Variants in FKBP15 observed in about 807,000 individuals in gnomAD.
The protein encoded by FKBP15 is FK506-binding protein 15.
FKBP15 carries 106 observed loss-of-function variants against 158.1 expected under a neutral mutation model. That is an observed-to-expected ratio of 0.67 (90% confidence interval 0.57 to 0.79). FKBP15 has a LOEUF of 0.79. Among genes scored for constraint, FKBP15 ranks in the 30% least tolerant of loss-of-function variants. FKBP15 has a pLI of 0.00. For missense variants in FKBP15, 1,287 were observed against 1,479.1 expected (o/e 0.87, Z 2.13); for synonymous variants, 547 against 548.6 (o/e 1.00, Z 0.04).
At chr9:113,206,685 G>A in intron 3 of FKBP15, 107 bp from the exon 4 acceptor site, 4 of 555,064 alleles carry the variant, frequency 7.2e-6, no homozygotes, top group South Asian at 2.1e-5. Flanking sequence ...TCAGCCTCTA[G>A]GCAGGGACAC....
At position 113,161,598 on chromosome 9, in the gene FKBP15, C is replaced by G; in HGVS notation, c.*4480G>C. The G allele has an allele frequency of 6.2e-7, 1 of 1,614,024 alleles. No individual in the cohort carries two copies. The highest frequency in any genetic ancestry group is 2.2e-5 in the East Asian group (1 of 44,880). On this transcript the variant is annotated 3_prime_UTR_variant, in exon 28 of 28. Transcript: ENST00000238256. ...CAAAGCCAAGCTGCTCAACCAGGTA[C>G]TGGTGAACCTGCCAACCTCCATCAG...
At chr9:113,215,812 G>C (rs1010876314) in intron 1 of FKBP15, among the ~76,000 whole-genome samples, 5 of 150,862 alleles carry the variant, frequency 3.3e-5, no homozygotes, top group African/African-American at 1.2e-4. Context: ...ACCATGCCCT[G>C]CTAATTTCTG....
At chr9:113,197,247 C>T (rs532274892) in intron 8 of FKBP15, among the ~76,000 whole-genome samples, 169 bp from the exon 9 acceptor site, 5 of 152,268 alleles carry the variant, frequency 3.3e-5, no homozygotes, top group African/African-American at 1.2e-4. Flanking sequence ...CTAGAATACA[C>T]CCTCTAAACC....
intron 19 of FKBP15, 29 bp downstream of exon 19, chr9:113,182,737 C>G: frequency 6.3e-7 from 1 of 1,583,816 alleles, no homozygotes; most frequent in Non-Finnish European, 8.7e-7. Flanking sequence ...CCATCCTGAC[C>G]TGGGCTTTTC....
In FKBP15 at chr9:113,174,494, T is replaced by C; in HGVS notation, c.2313A>G (p.Glu771=). The C allele has an allele frequency of 6.2e-7, 1 of 1,614,014 alleles. No homozygotes were observed. Among genetic ancestry groups the C allele is most frequent in the South Asian group, 1.1e-5 (1 of 91,086 alleles). The part of the protein sequence containing the change: ...IDEIRKSYQE[E]LDKLRQLLKK... ...TCAAGAGCTGTCGAAGTTTGTCCAATTCCTCCTGGTATGACTTGCGAATTT... is the reference window on the plus strand; with the variant it reads ...TCAAGAGCTGTCGAAGTTTGTCCAACTCCTCCTGGTATGACTTGCGAATTT... Residue 771 remains glutamate (E), a synonymous_variant, in exon 22 of 28, where the codon GAA becomes GAG. Coordinates refer to ENST00000238256, the MANE Select transcript of FKBP15 (RefSeq NM_015258.2).
Position 113,161,707 on chromosome 9 carries a change from A to C in FKBP15, c.*4371T>G. On this transcript the variant is annotated 3_prime_UTR_variant, in exon 28 of 28. Coordinates refer to ENST00000238256, the MANE Select transcript of FKBP15 (RefSeq NM_015258.2). ...GGCAGAACCCACCACAGGTACAGGCAGTGGGTATGGGAAAGGGGCAGAAGC... is the reference window on the plus strand; with the variant it reads ...GGCAGAACCCACCACAGGTACAGGCCGTGGGTATGGGAAAGGGGCAGAAGC... 3.7e-6 allele frequency: 6 copies of C among 1,613,348 alleles called. No homozygotes were observed. The South Asian group carries it at 4.4e-5, about 12-fold the overall frequency.
At chr9:113,202,658 CCACAAG>C (rs1323715208) in intron 5 of FKBP15, 29 bp from the exon 6 acceptor site, 24 of 1,511,940 alleles carry the variant, frequency 1.6e-5, no homozygotes, top group Admixed American at 2.0e-5. Flanking sequence ...TTAAATTCAT[CCACAAG>C]CAGTATTATA....
intron 11 of FKBP15, 49 bp downstream of exon 11, chr9:113,193,442 TA>T: frequency 6.8e-7 from 1 of 1,477,832 alleles, no homozygotes; most frequent in Non-Finnish European, 9.3e-7. Flanking sequence ...CGCAAAGTGT[TA>T]GGATTACAGG....
intron 1 of FKBP15, among the ~76,000 whole-genome samples, chr9:113,214,450 C>CT (rs201281951): frequency 5.3e-5 from 8 of 151,420 alleles, no homozygotes; most frequent in African/African-American, 1.7e-4. Context: ...TGAAAGAAGG[C>CT]TTTTTTTTTC....
chr9:113,189,973 G>A (rs568864908), intron 12 of FKBP15, among the ~76,000 whole-genome samples: 9 of 152,220 alleles, frequency 5.9e-5, no homozygotes, highest in African/African-American at 1.9e-4. Context: ...ATAACAAGGG[G>A]AGAAAATTGA....
intron 1 of FKBP15, among the ~76,000 whole-genome samples, chr9:113,216,426 AAAT>A (rs752004840): frequency 7.2e-5 from 11 of 152,266 alleles, no homozygotes; most frequent in Non-Finnish European, 1.5e-4. Flanking sequence ...AATAGGCCAG[AAAT>A]GCCTACTGTA....
chr9:113,175,612 A>G (rs1300296311), intron 21 of FKBP15, among the ~76,000 whole-genome samples: 1 of 152,224 alleles, frequency 6.6e-6, no homozygotes, highest in Non-Finnish European at 1.5e-5. Flanking sequence ...GATACTATAA[A>G]TAAAGTTAAA....
At chr9:113,175,794 T>C (rs1830289208) in intron 21 of FKBP15, among the ~76,000 whole-genome samples, 2 of 152,110 alleles carry the variant, frequency 1.3e-5, no homozygotes, top group Non-Finnish European at 2.9e-5. Flanking sequence ...TTACTACTAA[T>C]AAAAATACAC....
At chr9:113,174,698 A>AT in intron 21 of FKBP15, 115 bp from the exon 22 acceptor site, 3 of 1,120,628 alleles carry the variant, frequency 2.7e-6, no homozygotes, top group Non-Finnish European at 3.7e-6. Flanking sequence ...TGAAAACTCC[A>AT]TTTTTTAGTT....
At chr9:113,192,143 C>T (rs976752362) in intron 11 of FKBP15, among the ~76,000 whole-genome samples, 2 of 151,826 alleles carry the variant, frequency 1.3e-5, no homozygotes, top group African/African-American at 2.4e-5. Flanking sequence ...ACAATGGAAC[C>T]AATATTGGAC....
chr9:113,169,628 G>C lies in FKBP15; in HGVS notation c.3081C>G (p.Pro1027=). 2 of 1,613,996 alleles carry C rather than the reference G, an allele frequency of 1.2e-6. No individual in the cohort carries two copies. The highest frequency in any genetic ancestry group is 1.7e-6 in the Non-Finnish European group (2 of 1,179,884). The change falls in exon 26 of 28, where the codon CCC becomes CCG. Residue 1027 remains proline, a synonymous_variant. Coordinates refer to ENST00000238256, the MANE Select transcript of FKBP15 (RefSeq NM_015258.2). ...TGTGGGATGGGATGCAAGACAGTTC[G>C]GGTGGAAGGGAACCATCTTTTATCT... is the stretch of plus-strand genomic sequence containing the variant. ...LSEIKDGSLP[P]ELSCIPSHRV...
chr9:113,168,659 G>A (rs996769866), intron 26 of FKBP15, 103 bp from the exon 27 acceptor site: 14 of 923,794 alleles, frequency 1.5e-5, no homozygotes, highest in African/African-American at 1.3e-4. Flanking sequence ...ATTCAACAGC[G>A]TTGGTGACTG....
chr9:113,186,161 A>G, intron 15 of FKBP15, 88 bp downstream of exon 15: 1 of 840,322 alleles, frequency 1.2e-6, no homozygotes, highest in Admixed American at 2.1e-5. Flanking sequence ...ATGAGTAGAG[A>G]GCTGTTGGTG....
rs1052995222 is a variant in FKBP15, at chr9:113,184,627, C to T, written c.1608+68G>A. On this transcript the variant is annotated intron_variant, in intron 16 of 27. Coordinates refer to ENST00000238256, the MANE Select transcript of FKBP15 (RefSeq NM_015258.2). This position sits in a 1 kb window ranked among gnomAD's most constrained non-coding sequence, Gnocchi z 4.5. ...ATGCAGGAAATCAAAGAAGAGTTTA[C>T]CTACAGTTCTGGCTGCTCCCTGTTT... 11 of 1,261,384 alleles carry T rather than the reference C, an allele frequency of 8.7e-6. No homozygotes were observed. The highest frequency in any genetic ancestry group is 1.1e-5 in the Non-Finnish European group (10 of 881,568). The allele number at this position is 1,261,384 out of a possible 1,614,324, so 78.1% of individuals were successfully genotyped here.
Sources: gnomAD v4.1 joint callset for allele counts (sites outside exome capture counted in the v4.1 genomes callset) on GRCh38, gnomAD v4.1.1 for gene constraint, Gnocchi (gnomAD v3.1) non-coding constraint, MANE v1.5 for transcripts, NCBI Gene and HGNC (gene_info 2026-07-23, HGNC 2026-07-21) for gene names.